The following PLCZ1 variants were observed in gnomAD, a reference collection of about 807,000 sequenced individuals.
The protein encoded by PLCZ1 is 1-phosphatidylinositol 4,5-bisphosphate phosphodiesterase zeta-1.
Under a neutral mutation model 76.8 loss-of-function variants are expected in PLCZ1, and 64 were observed. The observed-to-expected ratio is 0.83, with a 90% CI of 0.68 to 1.03. The LOEUF (loss-of-function observed/expected upper bound fraction) is 1.03. Among genes scored for constraint, PLCZ1 ranks in the 50% least tolerant of loss-of-function variants. The pLI, the probability that PLCZ1 is intolerant of heterozygous loss-of-function variation, is 0.00. For missense variants in PLCZ1, 751 were observed against 713.7 expected (o/e 1.05, Z -0.60); for synonymous variants, 248 against 230.8 (o/e 1.07, Z -0.68).
At chr12:18,655,541 A>G in the PLCZ1 span, among the ~76,000 whole-genome samples, 120,311 of 152,044 alleles carry the variant, frequency 0.79, 47,668 homozygotes, top group Admixed American at 0.82. Flanking sequence ...TAGTGACGTC[A>G]TCCTGAAGAA....
chr12:18,707,568 A>G (rs1956762556), intron 6 of PLCZ1, among the ~76,000 whole-genome samples: 1 of 152,150 alleles, frequency 6.6e-6, no homozygotes, highest in African/African-American at 2.4e-5. Context: ...TTTAAGGCTC[A>G]CCTAAGAGTC....
intron 3 of PLCZ1, among the ~76,000 whole-genome samples, chr12:18,724,250 T>C (rs759060139): frequency 1.1e-4 from 16 of 151,868 alleles, no homozygotes; most frequent in Admixed American, 3.3e-4. Context: ...AGGTGGTGAA[T>C]AGACACTAAA....
intron 3 of PLCZ1, among the ~76,000 whole-genome samples, chr12:18,727,823 C>A (rs1958839618): frequency 6.6e-6 from 1 of 152,112 alleles, no homozygotes; most frequent in Non-Finnish European, 1.5e-5. Context: ...GTTTTTCCAA[C>A]TTTGATATGC....
the PLCZ1 span, among the ~76,000 whole-genome samples, chr12:18,677,646 G>C: frequency 6.6e-6 from 1 of 152,108 alleles, no homozygotes; most frequent in Non-Finnish European, 1.5e-5. Flanking sequence ...GAAGCAGAAC[G>C]CCACACCAAT....
At chr12:18,666,949 C>T in the PLCZ1 span, among the ~76,000 whole-genome samples, 1 of 152,126 alleles carries the variant, frequency 6.6e-6, no homozygotes, top group East Asian at 1.9e-4. Context: ...AGGGTTTTAA[C>T]CACAATTCCT....
intron 5 of PLCZ1, 73 bp from the exon 6 acceptor site, chr12:18,713,059 C>A (rs1399864292): frequency 6.4e-7 from 1 of 1,562,094 alleles, no homozygotes; most frequent in African/African-American, 1.4e-5. Flanking sequence ...TTAAAATATT[C>A]CAAAGACCAT....
the PLCZ1 span, chr12:18,648,278 C>A: frequency 3.9e-6 from 1 of 258,008 alleles, no homozygotes. Flanking sequence ...TAATAAAAGA[C>A]CTTTATTAAA....
chr12:18,709,290 C>G (rs149077504), intron 6 of PLCZ1, among the ~76,000 whole-genome samples: 120 of 152,000 alleles, frequency 7.9e-4, no homozygotes, highest in African/African-American at 2.8e-3. Context: ...ACCATTTTGT[C>G]TTCTTGGTCT....
At chr12:18,696,450 A>G (rs1955051224) in intron 10 of PLCZ1, among the ~76,000 whole-genome samples, 184 bp from the exon 11 acceptor site, 1 of 150,470 alleles carries the variant, frequency 6.6e-6, no homozygotes, top group Non-Finnish European at 1.5e-5. Context: ...CTTTATGTTT[A>G]TAGTATAATT....
downstream of PLCZ1, among the ~76,000 whole-genome samples, chr12:18,679,035 C>T (rs992465428): frequency 1.5e-4 from 23 of 152,172 alleles, no homozygotes; most frequent in African/African-American, 4.6e-4. Flanking sequence ...GCAATACTAA[C>T]GATAACTCAT....
chr12:18,674,067 G>C, the PLCZ1 span, among the ~76,000 whole-genome samples: 1 of 152,164 alleles, frequency 6.6e-6, no homozygotes, highest in Non-Finnish European at 1.5e-5. Context: ...ATCACTGGTA[G>C]ATATCTTACA....
intron 5 of PLCZ1, chr12:18,715,701 C>A (rs1957908569): frequency 6.6e-6 from 1 of 152,162 alleles, no homozygotes; most frequent in Admixed American, 6.6e-5. Context: ...GTCTCTGTCA[C>A]CCACACTAAA....
the PLCZ1 span, among the ~76,000 whole-genome samples, chr12:18,675,085 A>T: frequency 2.0e-5 from 3 of 152,198 alleles, no homozygotes; most frequent in Non-Finnish European, 4.4e-5. Flanking sequence ...GCTATTGAGC[A>T]CTGGAAATGT....
the PLCZ1 span, among the ~76,000 whole-genome samples, chr12:18,650,345 ATATGTGTGTG>A: frequency 7.8e-6 from 1 of 127,704 alleles, no homozygotes; most frequent in African/African-American, 3.6e-5. Context: ...ATATATATAT[ATATGTGTGTG>A]TGTGTGTGTG....
At chr12:18,659,292 C>T in the PLCZ1 span, among the ~76,000 whole-genome samples, 2 of 152,060 alleles carry the variant, frequency 1.3e-5, no homozygotes, top group Admixed American at 6.6e-5. Flanking sequence ...TCACTAGTCC[C>T]GTACAATAGA....
the PLCZ1 span, among the ~76,000 whole-genome samples, chr12:18,671,889 GCTCAT>G: frequency 6.6e-6 from 1 of 152,058 alleles, no homozygotes; most frequent in African/African-American, 2.4e-5. Context: ...TCTGGTGAAG[GCTCAT>G]CTCCCATATA....
At chr12:18,670,327 A>G in the PLCZ1 span, among the ~76,000 whole-genome samples, 1 of 152,220 alleles carries the variant, frequency 6.6e-6, no homozygotes, top group South Asian at 2.1e-4. Flanking sequence ...CAGAAAGGAC[A>G]CTGCCAAAAA....
intron 6 of PLCZ1, among the ~76,000 whole-genome samples, chr12:18,705,803 T>C (rs1199493382): frequency 6.6e-6 from 1 of 151,778 alleles, no homozygotes; most frequent in East Asian, 1.9e-4. Context: ...GAGGCAGAGA[T>C]TACAACGAGC....
At position 18,737,499 on chromosome 12, in the gene PLCZ1, T is replaced by G; in HGVS notation, c.-128A>C. On this transcript the variant is annotated 5_prime_UTR_variant, in exon 2 of 15. Coordinates refer to ENST00000266505, the MANE Select transcript of PLCZ1 (RefSeq NM_033123.4). The stretch of plus-strand genomic sequence containing the variant: ...ATAATTTCTTGATACTCATCAGCTG[T>G]TACCACTTTTCTAGGGAGAAAGCAG... 4 of 1,306,358 alleles carry G rather than the reference T, an allele frequency of 3.1e-6. No homozygotes were observed. Among genetic ancestry groups the G allele is most frequent in the Non-Finnish European group, 4.4e-6 (4 of 911,690 alleles). The allele number at this position is 1,306,358 out of a possible 1,614,324, so 80.9% of individuals were successfully genotyped here. A position where few individuals can be genotyped will look rare whatever the true frequency, so the allele number is the denominator to read the frequency against.
Sources: gnomAD v4.1 joint callset for allele counts (sites outside exome capture counted in the v4.1 genomes callset) on GRCh38, gnomAD v4.1.1 for gene constraint, MANE v1.5 for transcripts, NCBI Gene and HGNC (gene_info 2026-07-23, HGNC 2026-07-21) for gene names.